Variants in SLC11A2 observed in about 807,000 individuals in gnomAD.
SLC11A2 encodes solute carrier family 11 member 2, also known as natural resistance-associated macrophage protein 2.
A neutral mutation model predicts 68.0 loss-of-function variants in SLC11A2; 38 were observed. The observed-to-expected ratio is 0.56, with a 90% CI of 0.43 to 0.73. The LOEUF is 0.73. Among genes scored for constraint, SLC11A2 ranks in the 30% least tolerant of loss-of-function variants. The pLI, the probability that SLC11A2 is intolerant of heterozygous loss-of-function variation, is 0.00. For synonymous variants in SLC11A2, 242 were observed against 250.6 expected (o/e 0.97, Z 0.32); for missense variants, 517 against 690.5 (o/e 0.75, Z 2.82).
At chr12:51,018,501 A>G (rs1265796059) in intron 1 of SLC11A2, among the ~76,000 whole-genome samples, 1 of 152,066 alleles carries the variant, frequency 6.6e-6, no homozygotes, top group Non-Finnish European at 1.5e-5. Flanking sequence ...CTACGGTTAA[A>G]ACAAAAGTTT....
At chr12:50,954,335 C>T in the SLC11A2 span, 2 of 390,804 alleles carry the variant, frequency 5.1e-6, no homozygotes, top group Non-Finnish European at 9.1e-6. Flanking sequence ...TAGAAGTCTA[C>T]CTAAAATTAT....
At chr12:50,996,551 G>A (rs1196872418) in intron 9 of SLC11A2, among the ~76,000 whole-genome samples, 1 of 150,816 alleles carries the variant, frequency 6.6e-6, no homozygotes, top group African/African-American at 2.4e-5. Context: ...ACTCCAGCCT[G>A]GGCAATAGAG....
At chr12:50,967,194 C>T in the SLC11A2 span, among the ~76,000 whole-genome samples, 2 of 152,090 alleles carry the variant, frequency 1.3e-5, no homozygotes, top group African/African-American at 4.8e-5. Context: ...TGGCTCACTG[C>T]AGCCTCAAAC....
At chr12:50,973,548 G>A in the SLC11A2 span, among the ~76,000 whole-genome samples, 23,159 of 152,158 alleles carry the variant, frequency 0.15, 1,950 homozygotes, top group South Asian at 0.26. Context: ...AAAAAACAGA[G>A]CAGAAAAACT....
the SLC11A2 span, chr12:50,961,205 A>T: frequency 8.3e-7 from 1 of 1,210,748 alleles, no homozygotes; most frequent in Non-Finnish European, 1.2e-6. Context: ...ACAATGATGT[A>T]ATGAGAGAGG....
rs765049101 is a variant in SLC11A2 at position 50,986,145 on chromosome 12, G to A, written c.*2180C>T. On this transcript the variant is annotated 3_prime_UTR_variant, in exon 16 of 16. Transcript: ENST00000262052. ...TTCCCCTGTTAATTTCCAGTATAAT[G>A]TAGCAGCACAATTATTTCATGTCAC... 1 of 1,285,994 alleles carries A rather than the reference G, an allele frequency of 7.8e-7. No individual in the cohort carries two copies. The highest frequency in any genetic ancestry group is 1.2e-5 in the South Asian group (1 of 80,858). The allele number at this position is 1,285,994 out of a possible 1,614,324, so 79.7% of individuals were successfully genotyped here.
At chr12:51,009,302 G>C (rs1943012714) in intron 2 of SLC11A2, 1 of 1,286,304 alleles carries the variant, frequency 7.8e-7, no homozygotes, top group Non-Finnish European at 9.8e-7. Context: ...GCACCCTCGT[G>C]ATGGCAGGGC....
At chr12:50,968,326 C>T in the SLC11A2 span, among the ~76,000 whole-genome samples, 1 of 152,120 alleles carries the variant, frequency 6.6e-6, no homozygotes, top group African/African-American at 2.4e-5. Flanking sequence ...CAGATGAGAA[C>T]TTGTCAGACT....
rs748329523 is a variant in SLC11A2, at chr12:51,000,370, G to C, written c.479C>G (p.Ser160Ter). ...WLMVELAIIG[S>*]DMQEVIGSAI... is the part of the protein sequence containing the mutation. ...TGAGCCAATGACTTCTTGCATGTCT[G>C]AGCCGATGATAGCCAACTCCACCAT... Residue 160 changes from serine to a stop codon, truncating the protein, a stop_gained, in exon 6 of 16, where the codon TCA becomes TGA. Transcript: ENST00000262052. LOFTEE classifies it high-confidence loss of function. The C allele has an allele frequency of 1.2e-6, 2 of 1,614,158 alleles. No individual in the cohort carries two copies. The highest frequency in any genetic ancestry group is 1.7e-6 in the Non-Finnish European group (2 of 1,180,004).
At chr12:50,960,867 A>T in the SLC11A2 span, 4 of 954,958 alleles carry the variant, frequency 4.2e-6, no homozygotes, top group Non-Finnish European at 1.5e-6. Flanking sequence ...TTTTTTAGAG[A>T]TGGGGTCTTG....
chr12:50,988,798 G>A (rs897071449), intron 15 of SLC11A2, among the ~76,000 whole-genome samples: 3 of 151,848 alleles, frequency 2.0e-5, no homozygotes, highest in Admixed American at 6.6e-5. Context: ...CTGAAGCCTC[G>A]AATTCCTGGG....
At chr12:51,003,969 G>A (rs1942499678) in intron 5 of SLC11A2, among the ~76,000 whole-genome samples, 1 of 151,436 alleles carries the variant, frequency 6.6e-6, no homozygotes, top group Non-Finnish European at 1.5e-5. Flanking sequence ...AGAAAAAGAA[G>A]CTAGAAGGAT....
In SLC11A2 at chr12:51,012,356, A is replaced by C. The variant is rs201373092; in HGVS notation, c.-38-1590T>G. ...CCTTACCAATAAGGCTATTAAAAAA[A>C]AAATGTTTCAATCTTCTTATCTACT... is the stretch of plus-strand genomic sequence containing the variant. On this transcript the variant is annotated intron_variant, in intron 1 of 15. Coordinates refer to ENST00000262052, the MANE Select transcript of SLC11A2 (RefSeq NM_000617.3). 2.0e-5 allele frequency among the ~76,000 whole-genome samples: 3 copies of C among 152,072 alleles called. No individual in the cohort carries two copies. In the East Asian group the frequency reaches 5.8e-4, roughly 29 times the overall value.
At chr12:50,975,004 C>T (rs1292989565), downstream of SLC11A2, among the ~76,000 whole-genome samples, 1 of 152,136 alleles carries the variant, frequency 6.6e-6, no homozygotes, top group Non-Finnish European at 1.5e-5. Flanking sequence ...TCCTTAGAGA[C>T]CTACAAAGAG....
In SLC11A2 at chr12:50,986,971, A is replaced by C. The variant is rs1182297235; in HGVS notation, c.*1354T>G. On this transcript the variant is annotated 3_prime_UTR_variant, in exon 16 of 16. Transcript: ENST00000262052. ...AAGTCCTTCAACACCATTTTCCATT[A>C]CTGTTCTCACCAAATCAATGACTAT... 1 of 1,287,100 alleles carries C rather than the reference A, an allele frequency of 7.8e-7. No homozygotes were observed. Among genetic ancestry groups the C allele is most frequent in the East Asian group, 5.5e-5 (1 of 18,032 alleles). 79.7% of individuals were successfully genotyped at this position (1,287,100 alleles called of 1,614,324 possible). A position where few individuals can be genotyped will look rare whatever the true frequency, so the allele number is the denominator to read the frequency against.
the SLC11A2 span, among the ~76,000 whole-genome samples, chr12:50,958,407 G>A: frequency 2.0e-5 from 3 of 149,298 alleles, no homozygotes; most frequent in East Asian, 2.0e-4. Flanking sequence ...TCAGCCTCCC[G>A]AGTAGCTGGG....
At chr12:51,010,143 C>T (rs1406087837) in intron 2 of SLC11A2, among the ~76,000 whole-genome samples, 1 of 151,584 alleles carries the variant, frequency 6.6e-6, no homozygotes, top group Non-Finnish European at 1.5e-5. Flanking sequence ...GACACAGTGC[C>T]ACTGAACACT....
chr12:50,986,907 A>C lies in SLC11A2; in HGVS notation c.*1418T>G. 7.8e-7 allele frequency: 1 copy of C among 1,287,226 alleles called. No individual in the cohort carries two copies. The highest frequency in any genetic ancestry group is 1.0e-6 in the Non-Finnish European group (1 of 988,700). The allele number at this position is 1,287,226 out of a possible 1,614,324, so 79.7% of individuals were successfully genotyped here. On this transcript the variant is annotated 3_prime_UTR_variant, in exon 16 of 16. Transcript: ENST00000262052. ...GGGGCTCAGATGAACAGCGAACACCAATCAGCCAGGACTCTGGAAGGAAAG... is the reference window on the plus strand; with the variant it reads ...GGGGCTCAGATGAACAGCGAACACCCATCAGCCAGGACTCTGGAAGGAAAG...
downstream of SLC11A2, chr12:50,981,493 A>C: frequency 2.3e-6 from 1 of 439,574 alleles, no homozygotes; most frequent in South Asian, 2.5e-5. Flanking sequence ...GTGTGTGGCC[A>C]TCAGAGGCCA....
Sources: gnomAD v4.1 joint callset for allele counts (sites outside exome capture counted in the v4.1 genomes callset) on GRCh38, gnomAD v4.1.1 for gene constraint, MANE v1.5 for transcripts, NCBI Gene and HGNC (gene_info 2026-07-23, HGNC 2026-07-21) for gene names.